BMAL1: variants seen among roughly 807,000 people sequenced by gnomAD.
The protein encoded by BMAL1 is basic helix-loop-helix ARNT-like protein 1.
the BMAL1 span, chr11:13,376,410 G>A: frequency 3.6e-6 from 2 of 561,436 alleles, no homozygotes; most frequent in South Asian, 2.0e-5. Context: ...CACCTCTGCT[G>A]AACTGTGTCC....
chr11:13,296,473 A>G, the BMAL1 span, among the ~76,000 whole-genome samples: 1 of 152,198 alleles, frequency 6.6e-6, no homozygotes, highest in Admixed American at 6.5e-5. Context: ...TTCCAGTCCC[A>G]CTAGGAAGAC....
At chr11:13,333,881 C>T in the BMAL1 span, among the ~76,000 whole-genome samples, 8 of 152,224 alleles carry the variant, frequency 5.3e-5, no homozygotes, top group Admixed American at 5.2e-4. Context: ...AGGTAGTGCT[C>T]ATGGACCCAC....
the BMAL1 span, among the ~76,000 whole-genome samples, chr11:13,306,164 G>A: frequency 6.6e-5 from 10 of 152,200 alleles, no homozygotes; most frequent in Non-Finnish European, 1.5e-4. Flanking sequence ...AAATTGGAGC[G>A]TATAGGTCGG....
chr11:13,365,553 T>G, the BMAL1 span: 1 of 1,613,854 alleles, frequency 6.2e-7, no homozygotes, highest in Non-Finnish European at 8.5e-7. Flanking sequence ...AGATACTCTT[T>G]GTCTCAGAGT....
At chr11:13,297,242 T>C in the BMAL1 span, among the ~76,000 whole-genome samples, 2,883 of 152,284 alleles carry the variant, frequency 0.019, 41 homozygotes, top group Non-Finnish European at 0.031. Flanking sequence ...CTCCCTGTGC[T>C]ATGGAGGAAA....
chr11:13,355,136 A>C, the BMAL1 span: 8 of 1,194,516 alleles, frequency 6.7e-6, no homozygotes, highest in Admixed American at 2.2e-5. Flanking sequence ...AATCTTACCC[A>C]AATGTCCATT....
At chr11:13,374,745 A>AC in the BMAL1 span, among the ~76,000 whole-genome samples, 1 of 151,944 alleles carries the variant, frequency 6.6e-6, no homozygotes, top group African/African-American at 2.4e-5. Flanking sequence ...GATCCCTCTC[A>AC]CCCCCAGTTC....
At chr11:13,359,602 C>T in the BMAL1 span, among the ~76,000 whole-genome samples, 4 of 152,116 alleles carry the variant, frequency 2.6e-5, no homozygotes, top group African/African-American at 4.8e-5. Context: ...GTCCTGTCTC[C>T]TTCCCTCCCC....
chr11:13,354,628 G>A, the BMAL1 span: 6 of 773,138 alleles, frequency 7.8e-6, no homozygotes, highest in Admixed American at 3.0e-5. Context: ...AAGCAAGAAG[G>A]AGCCTTCAGC....
At chr11:13,341,181 T>C in the BMAL1 span, among the ~76,000 whole-genome samples, 2 of 152,070 alleles carry the variant, frequency 1.3e-5, no homozygotes, top group Non-Finnish European at 2.9e-5. Flanking sequence ...GCCAGGAAGG[T>C]CCCACGCCTG....
chr11:13,372,753 G>A, the BMAL1 span, among the ~76,000 whole-genome samples: 9 of 152,294 alleles, frequency 5.9e-5, no homozygotes, highest in East Asian at 1.7e-3. Flanking sequence ...CAAGGCTGCA[G>A]TGAGCTGTGA....
the BMAL1 span, among the ~76,000 whole-genome samples, chr11:13,351,688 C>G: frequency 1.3e-5 from 2 of 152,066 alleles, no homozygotes; most frequent in Non-Finnish European, 2.9e-5. Flanking sequence ...GGAAGGAGTC[C>G]CGTGAGAAGG....
At chr11:13,351,477 A>G in the BMAL1 span, among the ~76,000 whole-genome samples, 1 of 152,202 alleles carries the variant, frequency 6.6e-6, no homozygotes. Context: ...AATATCTGTA[A>G]TTCAGGGTGA....
At chr11:13,285,631 G>T in the BMAL1 span, among the ~76,000 whole-genome samples, 1 of 152,138 alleles carries the variant, frequency 6.6e-6, no homozygotes, top group Non-Finnish European at 1.5e-5. Context: ...AAAGGTGCTT[G>T]ATATTTTTGA....
At chr11:13,370,949 T>C in the BMAL1 span, among the ~76,000 whole-genome samples, 2 of 152,178 alleles carry the variant, frequency 1.3e-5, no homozygotes, top group African/African-American at 2.4e-5. Flanking sequence ...TTCTTCCCTC[T>C]CCCCATGAAC....
At chr11:13,313,207 C>T in the BMAL1 span, among the ~76,000 whole-genome samples, 2 of 152,178 alleles carry the variant, frequency 1.3e-5, no homozygotes, top group Non-Finnish European at 2.9e-5. Context: ...TCTCCTGGGT[C>T]GGCTCCCGGT....
At chr11:13,329,095 G>A in the BMAL1 span, among the ~76,000 whole-genome samples, 2 of 152,248 alleles carry the variant, frequency 1.3e-5, no homozygotes, top group South Asian at 2.1e-4. Flanking sequence ...GAGGGTCTCC[G>A]CTCTCATGGT....
the BMAL1 span, among the ~76,000 whole-genome samples, chr11:13,292,036 T>C: frequency 6.6e-6 from 1 of 152,210 alleles, no homozygotes; most frequent in Admixed American, 6.5e-5. Context: ...TTCCTAGGAA[T>C]GGAGTGAACT....
chr11:13,340,690 T>G, the BMAL1 span, among the ~76,000 whole-genome samples: 6 of 152,278 alleles, frequency 3.9e-5, no homozygotes, highest in South Asian at 1.2e-3. Context: ...TCTCCAGCTT[T>G]AAGTTCCTTC....
Sources: gnomAD v4.1 joint callset for allele counts (sites outside exome capture counted in the v4.1 genomes callset) on GRCh38, gnomAD v4.1.1 for gene constraint, MANE v1.5 for transcripts, NCBI Gene and HGNC (gene_info 2026-07-23, HGNC 2026-07-21) for gene names.